COBL: variants seen among roughly 807,000 people sequenced by gnomAD.
The protein encoded by COBL is protein cordon-bleu.
COBL carries 51 observed loss-of-function variants against 98.8 expected under a neutral mutation model. The observed-to-expected ratio is 0.52, with a 90% CI of 0.41 to 0.65. The LOEUF (loss-of-function observed/expected upper bound fraction) is 0.65, where lower values mean the gene tolerates loss of function less well. Ranked by LOEUF, COBL falls within the 30% of genes least tolerant of loss-of-function variation. The pLI is 0.00. For missense variants in COBL, 1,617 were observed against 1,617.5 expected (o/e 1.00, Z 0.01); for synonymous variants, 634 against 651.7 (o/e 0.97, Z 0.41).
intron 6 of COBL, among the ~76,000 whole-genome samples, chr7:51,122,538 T>C (rs938587446): frequency 6.6e-6 from 1 of 152,266 alleles, no homozygotes; most frequent in Non-Finnish European, 1.5e-5. Flanking sequence ...GTGTTGTTTT[T>C]TCGTCTCCAC....
chr7:51,251,380 G>A (rs1265013679), intron 1 of COBL, among the ~76,000 whole-genome samples: 1 of 152,228 alleles, frequency 6.6e-6, no homozygotes, highest in Non-Finnish European at 1.5e-5. Flanking sequence ...ACTTGTTGGT[G>A]AGAGAGGATT....
At chr7:51,025,845 G>A (rs1199451207) in intron 11 of COBL, among the ~76,000 whole-genome samples, 1 of 152,188 alleles carries the variant, frequency 6.6e-6, no homozygotes, top group African/African-American at 2.4e-5. Flanking sequence ...AGCCCAGGAA[G>A]TTTGTCCACT....
intron 6 of COBL, among the ~76,000 whole-genome samples, chr7:51,120,272 ATTTC>A (rs1474729437): frequency 6.6e-5 from 10 of 152,082 alleles, no homozygotes; most frequent in Admixed American, 1.3e-4. Context: ...AATATAAGTT[ATTTC>A]ACTGTCAAAT....
rs770469180 is a variant in COBL, at chr7:51,028,837, A to G, written c.2259T>C (p.Ser753=). ...GAGATTCTGCTTCAGGCACAGACGA[A>G]GACAGGGAAATGATCCTGATGCCGG... ...HATGIRIISL[S]SSVPEAESQP... Residue 753 remains serine (S), a synonymous_variant, in exon 10 of 13, where the codon TCT becomes TCC. Transcript: ENST00000265136. 27 of 1,614,110 alleles carry G rather than the reference A, an allele frequency of 1.7e-5. No individual in the cohort carries two copies. Among genetic ancestry groups the G allele is most frequent in the Non-Finnish European group, 1.7e-6 (2 of 1,180,048 alleles).
rs1785991631 is a variant in COBL, at chr7:51,155,157, A to C, written c.784-18826T>G. ...AGGTCAGAAGATAACCTCTGGAAGA[A>C]GGGGCAGAAATGGTTTTGGACACAG... On this transcript the variant is annotated intron_variant, in intron 5 of 12. Transcript: ENST00000265136. 2.0e-5 allele frequency among the ~76,000 whole-genome samples: 3 copies of C among 152,220 alleles called. No homozygotes were observed. The South Asian group carries it at 6.2e-4, about 32-fold the overall frequency.
intron 2 of COBL, among the ~76,000 whole-genome samples, chr7:51,214,355 G>C (rs371749057): frequency 6.6e-6 from 1 of 152,064 alleles, no homozygotes; most frequent in Non-Finnish European, 1.5e-5. Flanking sequence ...ATGGAGAGAG[G>C]TGATGTGCAG....
At chr7:51,097,824 C>T (rs1795417852) in intron 6 of COBL, among the ~76,000 whole-genome samples, 1 of 151,936 alleles carries the variant, frequency 6.6e-6, no homozygotes, top group Admixed American at 6.6e-5. Context: ...CAGATCGAGA[C>T]CATCCTGGCT....
At chr7:51,204,551 T>C (rs1046263346) in intron 2 of COBL, among the ~76,000 whole-genome samples, 1 of 144,886 alleles carries the variant, frequency 6.9e-6, no homozygotes, top group African/African-American at 2.7e-5. Flanking sequence ...AAAAAATCAG[T>C]GGCTTTTTTT....
At chr7:51,250,860 A>G (rs1796670902) in intron 1 of COBL, among the ~76,000 whole-genome samples, 1 of 152,194 alleles carries the variant, frequency 6.6e-6, no homozygotes, top group South Asian at 2.1e-4. Context: ...AAGGCCCAAA[A>G]GACTGATACA....
chr7:51,029,054 G>A lies in COBL; in HGVS notation c.2042C>T (p.Ala681Val), dbSNP rs757271583. The A allele has an allele frequency of 1.2e-6, 2 of 1,614,088 alleles. No individual in the cohort carries two copies. Among genetic ancestry groups the A allele is most frequent in the African/African-American group, 2.7e-5 (2 of 74,936 alleles). ...VNEKDSNDKN[A>V]ALAPTSWHQR... Reference sequence around the variant, plus strand: ...GTGCCATGATGTTGGTGCCAAGGCAGCGTTTTTATCGTTGCTGTCCTTTTC... The same window carrying A: ...GTGCCATGATGTTGGTGCCAAGGCAACGTTTTTATCGTTGCTGTCCTTTTC... Residue 681 changes from alanine to valine, a missense_variant, in exon 10 of 13, where the codon GCT (alanine) becomes GTT (valine). Coordinates refer to ENST00000265136, the MANE Select transcript of COBL (RefSeq NM_015198.5).
intron 8 of COBL, among the ~76,000 whole-genome samples, chr7:51,037,402 C>A (rs898547428): frequency 5.9e-5 from 9 of 152,242 alleles, no homozygotes; most frequent in Non-Finnish European, 1.3e-4. Flanking sequence ...CAGCCATGGG[C>A]AGTTCCTTCC....
At chr7:51,274,982 C>T (rs939924311) in intron 1 of COBL, among the ~76,000 whole-genome samples, 1 of 152,170 alleles carries the variant, frequency 6.6e-6, no homozygotes, top group Admixed American at 6.5e-5. Flanking sequence ...CCGATATTAA[C>T]AAATTAAAAT....
intron 11 of COBL, among the ~76,000 whole-genome samples, chr7:51,025,769 G>A (rs1787491114): frequency 6.6e-6 from 1 of 152,190 alleles, no homozygotes; most frequent in South Asian, 2.1e-4. Context: ...TGTCCCCAAA[G>A]GTTCTGAGAG....
chr7:51,185,363 T>A (rs942004159), intron 4 of COBL, among the ~76,000 whole-genome samples: 4 of 152,214 alleles, frequency 2.6e-5, no homozygotes, highest in Non-Finnish European at 4.4e-5. Flanking sequence ...GAGAACACGC[T>A]TGGGAGTGGT....
intron 6 of COBL, among the ~76,000 whole-genome samples, chr7:51,106,258 G>A (rs75312536): frequency 0.082 from 12,404 of 151,388 alleles, 737 homozygotes; most frequent in South Asian, 0.12. Context: ...TATGAAACCT[G>A]GGGATTCTGA....
At chr7:51,146,653 G>C (rs531075078) in intron 5 of COBL, among the ~76,000 whole-genome samples, 3 of 140,362 alleles carry the variant, frequency 2.1e-5, no homozygotes, top group African/African-American at 7.7e-5. Context: ...CAGGAATGTG[G>C]GGGCGGGGGG....
chr7:51,225,095 T>C (rs767769453), intron 1 of COBL, among the ~76,000 whole-genome samples: 5 of 152,200 alleles, frequency 3.3e-5, no homozygotes, highest in Non-Finnish European at 7.3e-5. Flanking sequence ...GTGCTTTCAG[T>C]GTGGCTTCTG....
At chr7:51,162,196 G>A (rs1056429583) in intron 5 of COBL, among the ~76,000 whole-genome samples, 1 of 152,154 alleles carries the variant, frequency 6.6e-6, no homozygotes, top group Non-Finnish European at 1.5e-5. Context: ...TACACAGGCT[G>A]AGTTTGAGGA....
chr7:51,291,141 G>GA (rs1800855448), intron 1 of COBL, among the ~76,000 whole-genome samples: 1 of 152,216 alleles, frequency 6.6e-6, no homozygotes, highest in African/African-American at 2.4e-5. Context: ...AGGCAGCGAA[G>GA]AAAGACTGAG....
Sources: allele counts gnomAD v4.1 joint callset (sites outside exome capture counted in the v4.1 genomes callset), GRCh38; gene constraint gnomAD v4.1.1; transcripts MANE v1.5; gene names NCBI Gene and HGNC (gene_info 2026-07-23, HGNC 2026-07-21).